The following MIPOL1 variants were observed in gnomAD, a reference collection of about 807,000 sequenced individuals.
MIPOL1 encodes the protein mirror-image polydactyly gene 1 protein.
Under a neutral mutation model 60.9 loss-of-function variants are expected in MIPOL1, and 57 were observed. The ratio of observed to expected loss-of-function variants is 0.94; its 90% CI spans 0.76 to 1.17. The LOEUF (loss-of-function observed/expected upper bound fraction) is 1.17. Among genes scored for constraint, MIPOL1 ranks in the 50% most tolerant of loss-of-function variants. MIPOL1 has a pLI of 0.00. For synonymous variants in MIPOL1, 179 were observed against 168.8 expected, an observed-to-expected ratio of 1.06 and a Z score of -0.47; for missense variants, 551 against 511.6, an observed-to-expected ratio of 1.08 and a Z score of -0.74.
chr14:37,459,573 C>T (rs1255110004), intron 11 of MIPOL1, among the ~76,000 whole-genome samples: 1 of 152,102 alleles, frequency 6.6e-6, no homozygotes, highest in Non-Finnish European at 1.5e-5. Flanking sequence ...GATTCACAGA[C>T]AAATTTTAGT....
intron 10 of MIPOL1, among the ~76,000 whole-genome samples, chr14:37,387,883 C>T (rs1378283280): frequency 6.6e-6 from 1 of 151,488 alleles, no homozygotes; most frequent in African/African-American, 2.4e-5. Flanking sequence ...GAGAAAACTT[C>T]TAAGATCCAA....
chr14:37,381,749 A>ATTTTT (rs71127215), intron 10 of MIPOL1, among the ~76,000 whole-genome samples: 1 of 146,004 alleles, frequency 6.8e-6, no homozygotes. Flanking sequence ...TGCCCTGCTA[A>ATTTTT]TTTTTTTTTT....
At chr14:37,523,654 T>A (rs1007088549) in intron 12 of MIPOL1, 16 of 357,656 alleles carry the variant, frequency 4.5e-5, no homozygotes, top group African/African-American at 6.3e-5. Flanking sequence ...ACAGATTTTT[T>A]AAAAACATCT....
intron 9 of MIPOL1, among the ~76,000 whole-genome samples, chr14:37,359,527 G>A (rs1670436853): frequency 6.6e-6 from 1 of 152,130 alleles, no homozygotes; most frequent in African/African-American, 2.4e-5. Flanking sequence ...GTGGTTTGTA[G>A]TTCTTCTTGA....
intron 3 of MIPOL1, among the ~76,000 whole-genome samples, chr14:37,264,010 A>C (rs2082690889): frequency 6.6e-6 from 1 of 152,112 alleles, no homozygotes; most frequent in African/African-American, 2.4e-5. Context: ...ATATTTCTGT[A>C]TGCAGTTCTT....
At chr14:37,506,087 C>T (rs761445072) in intron 12 of MIPOL1, 6 of 152,118 alleles carry the variant, frequency 3.9e-5, no homozygotes, top group Non-Finnish European at 5.9e-5. Context: ...AACCACTGCT[C>T]AATGAAATAA....
At chr14:37,275,737 C>A (rs990790538) in intron 6 of MIPOL1, among the ~76,000 whole-genome samples, 1 of 150,768 alleles carries the variant, frequency 6.6e-6, no homozygotes, top group Non-Finnish European at 1.5e-5. Context: ...ATTTGTATTT[C>A]TTTAAAAGCC....
intron 1 of MIPOL1, among the ~76,000 whole-genome samples, chr14:37,199,570 G>A (rs1306787122): frequency 1.3e-5 from 2 of 151,916 alleles, no homozygotes; most frequent in Admixed American, 1.3e-4. Flanking sequence ...TGCCGCCAAG[G>A]CTGGAGTGCA....
intron 12 of MIPOL1, among the ~76,000 whole-genome samples, chr14:37,533,780 G>A (rs1466886094): frequency 1.3e-5 from 2 of 152,062 alleles, no homozygotes; most frequent in African/African-American, 2.4e-5. Context: ...TTTTGACTCC[G>A]ATGCTTCTTC....
intron 9 of MIPOL1, among the ~76,000 whole-genome samples, chr14:37,366,997 G>C (rs2092492282): frequency 6.6e-6 from 1 of 151,840 alleles, no homozygotes; most frequent in Non-Finnish European, 1.5e-5. Context: ...TCATTTTAGT[G>C]ACAAATTTAA....
chr14:37,410,610 C>T (rs986941818), intron 10 of MIPOL1, among the ~76,000 whole-genome samples: 5 of 151,890 alleles, frequency 3.3e-5, no homozygotes, highest in Admixed American at 6.6e-5. Context: ...AATGAATATT[C>T]GGTCAACAAA....
intron 10 of MIPOL1, among the ~76,000 whole-genome samples, chr14:37,383,731 A>G (rs2092990030): frequency 6.6e-6 from 1 of 151,988 alleles, no homozygotes; most frequent in Admixed American, 6.6e-5. Flanking sequence ...TTGTTTTAAT[A>G]AATTCTGCTG....
At chr14:37,544,369 G>T (rs770016221) in intron 12 of MIPOL1, among the ~76,000 whole-genome samples, 1 of 152,122 alleles carries the variant, frequency 6.6e-6, no homozygotes, top group Admixed American at 6.6e-5. Context: ...CCTTGTATAA[G>T]GGTTTACTTG....
chr14:37,199,357 C>T (rs1326546607), intron 1 of MIPOL1, among the ~76,000 whole-genome samples: 2 of 151,952 alleles, frequency 1.3e-5, no homozygotes, highest in African/African-American at 2.4e-5. Flanking sequence ...GGTATTTAGT[C>T]CTTAGTTTCT....
chr14:37,388,098 C>G (rs1320536986), intron 10 of MIPOL1, among the ~76,000 whole-genome samples: 1 of 151,544 alleles, frequency 6.6e-6, no homozygotes, highest in Admixed American at 6.6e-5. Context: ...CATTATGTAA[C>G]AATTCCTAAA....
intron 11 of MIPOL1, among the ~76,000 whole-genome samples, chr14:37,455,248 T>C (rs1216622640): frequency 1.3e-5 from 2 of 152,202 alleles, no homozygotes; most frequent in African/African-American, 4.8e-5. Flanking sequence ...GTTGAATATG[T>C]TTTCTCTTTT....
intron 11 of MIPOL1, among the ~76,000 whole-genome samples, chr14:37,454,888 A>G (rs975746409): frequency 2.0e-5 from 3 of 152,220 alleles, no homozygotes; most frequent in African/African-American, 7.2e-5. Flanking sequence ...AATATCGATT[A>G]TAAAAAATTC....
At chr14:37,377,027 G>C (rs1255822111) in intron 10 of MIPOL1, among the ~76,000 whole-genome samples, 1 of 151,970 alleles carries the variant, frequency 6.6e-6, no homozygotes, top group Non-Finnish European at 1.5e-5. Context: ...CTCTATGTCT[G>C]CTCTTCCACT....
intron 10 of MIPOL1, among the ~76,000 whole-genome samples, chr14:37,412,224 T>C (rs1157979353): frequency 6.6e-6 from 1 of 152,184 alleles, no homozygotes; most frequent in Non-Finnish European, 1.5e-5. Context: ...TGACATAATA[T>C]GTAATACTAT....
Sources: allele counts gnomAD v4.1 joint callset (sites outside exome capture counted in the v4.1 genomes callset), GRCh38; gene constraint gnomAD v4.1.1; transcripts MANE v1.5; gene names NCBI Gene and HGNC (gene_info 2026-07-23, HGNC 2026-07-21).